The following ADAMTS16 variants were observed in gnomAD, a reference collection of about 807,000 sequenced individuals.
ADAMTS16 encodes A disintegrin and metalloproteinase with thrombospondin motifs 16.
Under a neutral mutation model 145.8 loss-of-function variants are expected in ADAMTS16, and 94 were observed. That is an observed-to-expected ratio of 0.64 (90% CI 0.55 to 0.77). The LOEUF (loss-of-function observed/expected upper bound fraction) is 0.77. Among genes scored for constraint, ADAMTS16 ranks in the 30% least tolerant of loss-of-function variants. The pLI is 0.00. For missense variants in ADAMTS16, 1,585 were observed against 1,591.5 expected, an observed-to-expected ratio of 1.00 and a Z score of 0.07; for synonymous variants, 659 against 604.3, an observed-to-expected ratio of 1.09 and a Z score of -1.33.
At position 5,319,019 on chromosome 5, in the gene ADAMTS16, T is replaced by G. The variant is rs773487654; in HGVS notation, c.3560-4T>G. The G allele has an allele frequency of 1.1e-5, 18 of 1,606,472 alleles. No homozygotes were observed. The African/African-American group carries it at 2.4e-4, about 21-fold the overall frequency. On this transcript the variant is annotated splice_polypyrimidine_tract_variant and splice_region_variant and intron_variant, in intron 22 of 22. Transcript: ENST00000274181. Reference sequence around the variant, plus strand: ...CTGAGTAATGCAGCTCTGCTCATTTTCAGATGCCTTCTGCAAAGACTACTT... The same window carrying G: ...CTGAGTAATGCAGCTCTGCTCATTTGCAGATGCCTTCTGCAAAGACTACTT...
At chr5:5,250,806 T>C (rs1188859123) in intron 17 of ADAMTS16, among the ~76,000 whole-genome samples, 1 of 152,104 alleles carries the variant, frequency 6.6e-6, no homozygotes, top group Non-Finnish European at 1.5e-5. Flanking sequence ...CAGTTTGATA[T>C]TCTGTGGTCT....
At chr5:5,218,795 C>T (rs1185958542) in intron 10 of ADAMTS16, among the ~76,000 whole-genome samples, 1 of 152,076 alleles carries the variant, frequency 6.6e-6, no homozygotes, top group Non-Finnish European at 1.5e-5. Context: ...GTGGCCAGAC[C>T]CTTCTCTGGC....
At chr5:5,178,087 A>G (rs1287795999) in intron 3 of ADAMTS16, among the ~76,000 whole-genome samples, 1 of 152,252 alleles carries the variant, frequency 6.6e-6, no homozygotes, top group African/African-American at 2.4e-5. Context: ...GCCAACAAAT[A>G]TACTACAGTA....
intron 4 of ADAMTS16, among the ~76,000 whole-genome samples, chr5:5,185,347 C>A (rs542670844): frequency 1.3e-5 from 2 of 152,310 alleles, no homozygotes; most frequent in South Asian, 4.1e-4. Flanking sequence ...CAATTCTAAC[C>A]ACATTTTCTG....
chr5:5,269,268 C>T lies in ADAMTS16; in HGVS notation c.2789+6485C>T, dbSNP rs73735779. ...CAGCACCTGAGCTGCCTTGCTTCAC[C>T]CTCGCTCCCCTATACTACCCTGGTC... On this transcript the variant is annotated intron_variant, in intron 18 of 22. Transcript: ENST00000274181. The surrounding 1 kb of genome is among the most constrained non-coding windows in gnomAD (Gnocchi z 4.3). 0.052 allele frequency among the ~76,000 whole-genome samples: 7,900 copies of T among 152,104 alleles called. 671 individuals are homozygous for T. Among genetic ancestry groups the T allele is most frequent in the African/African-American group, 0.18 (7,412 of 41,440 alleles).
chr5:5,285,365 G>C (rs1296535629), intron 18 of ADAMTS16, among the ~76,000 whole-genome samples: 1 of 152,206 alleles, frequency 6.6e-6, no homozygotes, highest in Non-Finnish European at 1.5e-5. Flanking sequence ...AGTGGCCACT[G>C]TGCCCACATC....
At chr5:5,203,526 C>T (rs1736012804) in intron 9 of ADAMTS16, among the ~76,000 whole-genome samples, 1 of 152,116 alleles carries the variant, frequency 6.6e-6, no homozygotes. Flanking sequence ...CTCAATTGGC[C>T]TGAAGTTTTC....
intron 13 of ADAMTS16, among the ~76,000 whole-genome samples, 160 bp downstream of exon 13, chr5:5,235,346 C>T (rs1456834439): frequency 6.6e-6 from 1 of 152,168 alleles, no homozygotes; most frequent in Admixed American, 6.5e-5. Context: ...ATTTTGCCAG[C>T]CCCACCATCA....
At chr5:5,231,062 T>C (rs1367658164) in intron 11 of ADAMTS16, among the ~76,000 whole-genome samples, 1 of 152,188 alleles carries the variant, frequency 6.6e-6, no homozygotes, top group Admixed American at 6.5e-5. Context: ...CCTTCCTCTC[T>C]GACAACCGGT....
chr5:5,176,035 G>C (rs1473501555), intron 3 of ADAMTS16: 2 of 152,036 alleles, frequency 1.3e-5, no homozygotes, highest in Non-Finnish European at 2.9e-5. Context: ...TTGTGTGGAT[G>C]GTTGTCCAAT....
chr5:5,218,357 C>A lies in ADAMTS16; in HGVS notation c.1606-4432C>A, dbSNP rs185529895. Among the ~76,000 whole-genome samples the A allele has an allele frequency of 5.9e-5, 9 of 152,116 alleles. 1 individual carries two copies. Among genetic ancestry groups the A allele is most frequent in the Non-Finnish European group, 1.0e-4 (7 of 68,034 alleles). ...CAGGACATGAGACAGGGGTGTGGCT[C>A]GCTCCTTCTGTCACCCCTCTGCTCA... is the stretch of plus-strand genomic sequence containing the variant. On this transcript the variant is annotated intron_variant, in intron 10 of 22. Coordinates refer to ENST00000274181, the MANE Select transcript of ADAMTS16 (RefSeq NM_139056.4).
intron 20 of ADAMTS16, among the ~76,000 whole-genome samples, chr5:5,305,285 T>C (rs957221664): frequency 2.3e-4 from 6 of 25,960 alleles, no homozygotes; most frequent in Admixed American, 5.3e-4. Flanking sequence ...CACACACACA[T>C]CCCACACCAC....
At chr5:5,307,917 C>T (rs1740249772) in intron 21 of ADAMTS16, among the ~76,000 whole-genome samples, 1 of 152,196 alleles carries the variant, frequency 6.6e-6, no homozygotes, top group African/African-American at 2.4e-5. Context: ...AGGAGGCAGA[C>T]AGAGGTTGCA....
intron 3 of ADAMTS16, among the ~76,000 whole-genome samples, chr5:5,161,488 C>T (rs559006752): frequency 2.6e-5 from 4 of 152,132 alleles, no homozygotes; most frequent in African/African-American, 9.6e-5. Context: ...ACTGTAGAGT[C>T]GATAAGTATA....
At chr5:5,172,018 G>A (rs1252211337) in intron 3 of ADAMTS16, among the ~76,000 whole-genome samples, 1 of 152,042 alleles carries the variant, frequency 6.6e-6, no homozygotes, top group African/African-American at 2.4e-5. Context: ...GTCTAGGAAT[G>A]TATCCATTTC....
intron 2 of ADAMTS16, among the ~76,000 whole-genome samples, chr5:5,142,605 G>A (rs929939745): frequency 1.3e-5 from 2 of 152,192 alleles, no homozygotes; most frequent in African/African-American, 2.4e-5. Context: ...GGTGACTGCT[G>A]GGGTCAACTT....
intron 17 of ADAMTS16, among the ~76,000 whole-genome samples, chr5:5,249,206 G>T (rs1032250561): frequency 1.3e-5 from 2 of 152,154 alleles, no homozygotes; most frequent in South Asian, 4.1e-4. Context: ...CAAATTACAT[G>T]TGTATTGTCA....
intron 18 of ADAMTS16, among the ~76,000 whole-genome samples, chr5:5,281,082 T>C (rs1231429714): frequency 6.6e-6 from 1 of 152,238 alleles, no homozygotes; most frequent in Non-Finnish European, 1.5e-5. Flanking sequence ...AGCAGAAATG[T>C]CCAGGGAATA....
intron 21 of ADAMTS16, among the ~76,000 whole-genome samples, chr5:5,313,418 G>C (rs1036399897): frequency 6.6e-6 from 1 of 152,176 alleles, no homozygotes; most frequent in African/African-American, 2.4e-5. Flanking sequence ...CATGGTGCAG[G>C]GCAGCGCAGG....
Sources: gnomAD v4.1 joint callset for allele counts (sites outside exome capture counted in the v4.1 genomes callset) on GRCh38, gnomAD v4.1.1 for gene constraint, Gnocchi (gnomAD v3.1) non-coding constraint, MANE v1.5 for transcripts, NCBI Gene and HGNC (gene_info 2026-07-23, HGNC 2026-07-21) for gene names.